Variants in USP12 observed in about 807,000 individuals in gnomAD.
USP12 encodes ubiquitin carboxyl-terminal hydrolase 12.
A neutral mutation model predicts 45.5 loss-of-function variants in USP12; 19 were observed. That is an observed-to-expected ratio of 0.42 (90% confidence interval 0.29 to 0.61). USP12 has a LOEUF of 0.61. Ranked by LOEUF, USP12 falls within the 20% of genes least tolerant of loss-of-function variation. USP12 has a pLI of 0.22. For synonymous variants in USP12, 149 were observed against 148.8 expected, an observed-to-expected ratio of 1.00 and a Z score of -0.01; for missense variants, 242 against 447.7, an observed-to-expected ratio of 0.54 and a Z score of 4.15.
At chr13:27,074,087 C>T (rs1014757100) in intron 7 of USP12, among the ~76,000 whole-genome samples, 1 of 152,166 alleles carries the variant, frequency 6.6e-6, no homozygotes, top group Non-Finnish European at 1.5e-5. Context: ...GCATTTGCTC[C>T]CTCCAGATTG....
chr13:27,116,686 G>A (rs1415005353), intron 1 of USP12, 90 bp from the exon 2 acceptor site: 1 of 1,208,860 alleles, frequency 8.3e-7, no homozygotes, highest in African/African-American at 1.5e-5. Flanking sequence ...CAACATGATG[G>A]TCCTATCACA....
At chr13:27,117,665 T>C (rs1229149052) in intron 1 of USP12, 3 of 449,158 alleles carry the variant, frequency 6.7e-6, no homozygotes. Context: ...AGAATGTATA[T>C]TAAATATACT....
At chr13:27,122,391 T>G (rs1876033546) in intron 1 of USP12, among the ~76,000 whole-genome samples, 1 of 152,192 alleles carries the variant, frequency 6.6e-6, no homozygotes, top group African/African-American at 2.4e-5. Context: ...TCCCCAGCCA[T>G]GTGGAACTGT....
intron 1 of USP12, among the ~76,000 whole-genome samples, chr13:27,165,920 CA>C (rs1318205816): frequency 2.7e-5 from 4 of 149,590 alleles, no homozygotes; most frequent in East Asian, 3.9e-4. Context: ...GGCTACAGAG[CA>C]AAAAAAATAA....
intron 3 of USP12, among the ~76,000 whole-genome samples, chr13:27,098,470 G>C (rs1384002737): frequency 1.3e-5 from 2 of 152,032 alleles, no homozygotes; most frequent in Non-Finnish European, 1.5e-5. Flanking sequence ...TACATGACAA[G>C]GGACTGGGAA....
chr13:27,074,183 G>T (rs1234043507), intron 7 of USP12, among the ~76,000 whole-genome samples: 3 of 152,118 alleles, frequency 2.0e-5, no homozygotes, highest in Non-Finnish European at 2.9e-5. Flanking sequence ...GGCAGATCAC[G>T]AGGTCAGGAG....
chr13:27,148,814 A>ACACACACACACACACACACACACAC (rs1555238422), intron 1 of USP12, among the ~76,000 whole-genome samples: 4 of 150,828 alleles, frequency 2.7e-5, no homozygotes, highest in Non-Finnish European at 3.0e-5. Flanking sequence ...ACACACACAC[A>ACACACACACACACACACACACACAC]AAAATCAGGT....
intron 1 of USP12, among the ~76,000 whole-genome samples, chr13:27,126,167 C>G (rs376942634): frequency 2.0e-5 from 3 of 152,250 alleles, no homozygotes; most frequent in African/African-American, 7.2e-5. Context: ...AGACTGCCTC[C>G]TCAAGTGGGT....
chr13:27,121,779 C>T (rs1354876108), intron 1 of USP12, among the ~76,000 whole-genome samples: 4 of 151,588 alleles, frequency 2.6e-5, no homozygotes, highest in Non-Finnish European at 4.4e-5. Flanking sequence ...GAGAATGGCG[C>T]GAACCTGGGA....
chr13:27,135,664 G>A (rs1048483483), intron 1 of USP12, among the ~76,000 whole-genome samples: 2 of 152,226 alleles, frequency 1.3e-5, no homozygotes, highest in South Asian at 2.1e-4. Flanking sequence ...GCAGTATGCC[G>A]AGATTGCGCC....
At chr13:27,154,347 A>G (rs546097009) in intron 1 of USP12, among the ~76,000 whole-genome samples, 3 of 152,334 alleles carry the variant, frequency 2.0e-5, no homozygotes, top group South Asian at 2.1e-4. Flanking sequence ...TACCAAGCCT[A>G]TATTTACTTA....
intron 4 of USP12, among the ~76,000 whole-genome samples, chr13:27,092,927 T>C (rs867706879): frequency 2.0e-5 from 3 of 152,308 alleles, no homozygotes; most frequent in Middle Eastern, 3.4e-3. Context: ...CCAGGCCCGG[T>C]GGCTCACGCC....
chr13:27,108,530 T>TTA (rs1875265012), intron 2 of USP12, among the ~76,000 whole-genome samples: 1 of 145,500 alleles, frequency 6.9e-6, no homozygotes, highest in South Asian at 2.1e-4. Context: ...ACTTAAAGCA[T>TTA]AAAAAAAAAA....
At chr13:27,162,380 G>A (rs1878149653) in intron 1 of USP12, among the ~76,000 whole-genome samples, 1 of 152,148 alleles carries the variant, frequency 6.6e-6, no homozygotes, top group Non-Finnish European at 1.5e-5. Context: ...CATCAAACCT[G>A]CAACACATTG....
chr13:27,140,276 A>G (rs977507846), intron 1 of USP12, among the ~76,000 whole-genome samples: 2 of 152,158 alleles, frequency 1.3e-5, no homozygotes, highest in East Asian at 1.9e-4. Context: ...ATGACGTTCT[A>G]TTTCTTAATA....
At chr13:27,122,897 T>C (rs969477449) in intron 1 of USP12, among the ~76,000 whole-genome samples, 9 of 151,694 alleles carry the variant, frequency 5.9e-5, no homozygotes, top group African/African-American at 2.2e-4. Context: ...ATTGAGACCA[T>C]CCTGGCTAAC....
At chr13:27,141,012 C>CTTTTTTTT (rs11455614) in intron 1 of USP12, among the ~76,000 whole-genome samples, 8 of 122,566 alleles carry the variant, frequency 6.5e-5, no homozygotes, top group South Asian at 2.6e-4. Flanking sequence ...TGTGAAGTCA[C>CTTTTTTTT]TTTTTTTTTT....
intron 4 of USP12, 39 bp from the exon 5 acceptor site, chr13:27,090,197 C>G: frequency 2.7e-6 from 4 of 1,509,372 alleles, no homozygotes; most frequent in Non-Finnish European, 3.6e-6. Context: ...TTTTCAAATA[C>G]TAGTAAACCA....
Position 27,166,835 on chromosome 13 carries a change from T to G in USP12, c.48+4757A>C, listed in dbSNP as rs141245020. 8.4e-3 allele frequency among the ~76,000 whole-genome samples: 1,282 copies of G among 152,238 alleles called. 12 individuals are homozygous for G. The highest frequency in any genetic ancestry group is 0.024 in the Middle Eastern group (7 of 294). On this transcript the variant is annotated intron_variant, in intron 1 of 8. Transcript: ENST00000282344. Reference sequence around the variant, plus strand: ...TACCCTCTAATAATCATTAAACATATAACCTGTCAACGCCCTAGTACCCTA... The same window carrying G: ...TACCCTCTAATAATCATTAAACATAGAACCTGTCAACGCCCTAGTACCCTA...
Sources: allele counts gnomAD v4.1 joint callset (sites outside exome capture counted in the v4.1 genomes callset), GRCh38; gene constraint gnomAD v4.1.1; transcripts MANE v1.5; gene names NCBI Gene and HGNC (gene_info 2026-07-23, HGNC 2026-07-21).